Variants in POC5 observed in about 807,000 individuals in gnomAD.
POC5 encodes the protein POC5 centriolar protein.
In POC5, 48 loss-of-function variants were observed where a neutral mutation model predicts 62.9. That is an observed-to-expected ratio of 0.76 (90% CI 0.61 to 0.97). The LOEUF is 0.97. Among genes scored for constraint, POC5 ranks in the 50% least tolerant of loss-of-function variants. The pLI is 0.00. For synonymous variants in POC5, 236 were observed against 228.2 expected (o/e 1.03, Z -0.31); for missense variants, 696 against 679.5 (o/e 1.02, Z -0.27).
rs138440768 is a variant in POC5 at position 75,692,484 on chromosome 5, G to A, written c.707C>T (p.Ser236Phe). 13 of 1,598,650 alleles carry A rather than the reference G, an allele frequency of 8.1e-6. No individual in the cohort carries two copies. Among genetic ancestry groups the A allele is most frequent in the African/African-American group, 1.3e-5 (1 of 74,172 alleles). Reference sequence around the variant, plus strand: ...TTCCTTTTGCTTGCCTATGGCATGAGACAAGCTAGAAATCACCTGTAAACA... The same window carrying A: ...TTCCTTTTGCTTGCCTATGGCATGAAACAAGCTAGAAATCACCTGTAAACA... ...GRKDEVISSL[S>F]HAIGKQKEKI... The change falls in exon 7 of 12, where the codon TCT (serine) becomes TTT (phenylalanine). Residue 236 changes from serine to phenylalanine, a missense_variant. Ser to Phe is a radical substitution (Grantham distance 155, BLOSUM62 -2). Coordinates refer to ENST00000428202, the MANE Select transcript of POC5 (RefSeq NM_001099271.2).
intron 11 of POC5, among the ~76,000 whole-genome samples, chr5:75,676,995 T>C (rs1775692155): frequency 6.6e-6 from 1 of 152,196 alleles, no homozygotes; most frequent in Non-Finnish European, 1.5e-5. Context: ...CTAGTAACTT[T>C]CAGTAAGTTA....
intron 3 of POC5, among the ~76,000 whole-genome samples, chr5:75,706,937 C>T (rs1777146122): frequency 6.6e-6 from 1 of 152,182 alleles, no homozygotes; most frequent in African/African-American, 2.4e-5. Flanking sequence ...TCCACGTCTA[C>T]AGAGAATGAG....
At chr5:75,682,610 G>A (rs1465239702) in intron 10 of POC5, among the ~76,000 whole-genome samples, 3 of 149,088 alleles carry the variant, frequency 2.0e-5, no homozygotes, top group Admixed American at 1.4e-4. Flanking sequence ...CTGCCTCCCG[G>A]GTTCAAGTGA....
At chr5:75,702,295 G>A (rs911248142) in intron 5 of POC5, among the ~76,000 whole-genome samples, 1 of 152,020 alleles carries the variant, frequency 6.6e-6, no homozygotes, top group Non-Finnish European at 1.5e-5. Context: ...AAACCTGCAT[G>A]TTCACCACAT....
intron 10 of POC5, among the ~76,000 whole-genome samples, chr5:75,684,682 A>C (rs923368319): frequency 1.3e-5 from 2 of 152,050 alleles, no homozygotes; most frequent in Non-Finnish European, 2.9e-5. Flanking sequence ...TTTTTGAAAA[A>C]TATAAAAAAG....
At chr5:75,678,609 C>CT (rs67570751) in intron 10 of POC5, among the ~76,000 whole-genome samples, 85,496 of 151,702 alleles carry the variant, frequency 0.56, 24,918 homozygotes, top group Middle Eastern at 0.68. Context: ...TATTAATATA[C>CT]TTTTTTTTAC....
intron 11 of POC5, among the ~76,000 whole-genome samples, chr5:75,676,836 AATAAATAAAAAAT>A (rs1441119964): frequency 7.1e-6 from 1 of 140,324 alleles, no homozygotes; most frequent in East Asian, 2.1e-4. Context: ...CAAAAAAAAA[AATAAATAAAAAAT>A]AAATAAATAA....
intron 6 of POC5, among the ~76,000 whole-genome samples, 179 bp downstream of exon 6, chr5:75,694,476 G>A (rs1198716674): frequency 6.6e-6 from 1 of 152,064 alleles, no homozygotes; most frequent in Non-Finnish European, 1.5e-5. Context: ...AATGGTGAGG[G>A]TAAAATGACA....
intron 10 of POC5, among the ~76,000 whole-genome samples, chr5:75,678,181 T>C (rs1460282730): frequency 1.3e-5 from 2 of 151,870 alleles, no homozygotes; most frequent in Non-Finnish European, 2.9e-5. Flanking sequence ...TTTAGAAACT[T>C]AAAAAACCAA....
Position 75,690,512 on chromosome 5 carries a change from C to A in POC5, c.846G>T (p.Lys282Asn), listed in dbSNP as rs1355646936. Residue 282 changes from lysine (K) to asparagine (N), a missense_variant, in exon 8 of 12, where the codon AAG (lysine) becomes AAT (asparagine). Coordinates refer to ENST00000428202, the MANE Select transcript of POC5 (RefSeq NM_001099271.2). ...CGGAACGCCAGACTTTCCAGACTTT[C>A]TTCAGTAAAGTTCTCTGGTAGTACT... is the stretch of plus-strand genomic sequence containing the variant. ...ADQYYQRTLL[K>N]KVWKVWRSVV... The A allele has an allele frequency of 6.2e-7, 1 of 1,603,476 alleles. No individual in the cohort carries two copies. Among genetic ancestry groups the A allele is most frequent in the East Asian group, 2.2e-5 (1 of 44,734 alleles).
intron 5 of POC5, among the ~76,000 whole-genome samples, chr5:75,699,336 C>T (rs1287870773): frequency 4.0e-5 from 6 of 151,820 alleles, no homozygotes; most frequent in Admixed American, 6.6e-5. Flanking sequence ...ACTGGCAAAC[C>T]GAATCCAGCA....
rs201293205 is a variant in POC5, at chr5:75,676,826, CA to C, written c.1584+947del. On this transcript the variant is annotated intron_variant, in intron 11 of 11. Transcript: ENST00000428202. Reference sequence around the variant, plus strand: ...GGGAGACAAGAGAGAAACTCTGTCTCAAAAAAAAAAATAAATAAAAAATAAA... The same window carrying C: ...GGGAGACAAGAGAGAAACTCTGTCTCAAAAAAAAAATAAATAAAAAATAAA... Among the ~76,000 whole-genome samples, 392 of 114,006 alleles carry C rather than the reference CA, an allele frequency of 3.4e-3. 1 individual carries two copies. The highest frequency in any genetic ancestry group is 0.024 in the East Asian group (86 of 3,656). 74.8% of individuals were successfully genotyped at this position (114,006 alleles called of 152,430 possible).
At chr5:75,681,532 C>G (rs1482463628) in intron 10 of POC5, among the ~76,000 whole-genome samples, 1 of 151,536 alleles carries the variant, frequency 6.6e-6, no homozygotes, top group East Asian at 1.9e-4. Flanking sequence ...CCATGAAATT[C>G]TGATATTGTC....
chr5:75,716,373 G>A (rs1248364076), intron 1 of POC5, among the ~76,000 whole-genome samples: 1 of 64,744 alleles, frequency 1.5e-5, no homozygotes, highest in Non-Finnish European at 3.1e-5. Flanking sequence ...GACCAGGCAG[G>A]TAACAGGGGT....
chr5:75,681,700 GT>G (rs1775873091), intron 10 of POC5, among the ~76,000 whole-genome samples: 1 of 150,860 alleles, frequency 6.6e-6, no homozygotes, highest in Non-Finnish European at 1.5e-5. Flanking sequence ...CCAGTTATTT[GT>G]TTGCTAATTC....
chr5:75,692,632 T>C (rs1193912203), intron 6 of POC5, 132 bp from the exon 7 acceptor site: 22 of 442,234 alleles, frequency 5.0e-5, no homozygotes, highest in Non-Finnish European at 7.4e-5. Flanking sequence ...GTTAACCTCA[T>C]TATTATCTTT....
chr5:75,684,866 C>G (rs1204479754), intron 10 of POC5, among the ~76,000 whole-genome samples: 1 of 145,394 alleles, frequency 6.9e-6, no homozygotes, highest in African/African-American at 2.5e-5. Context: ...AATTTACAAA[C>G]AAGCTTTTTT....
At chr5:75,698,465 C>G (rs1240793877) in intron 5 of POC5, among the ~76,000 whole-genome samples, 1 of 152,084 alleles carries the variant, frequency 6.6e-6, no homozygotes, top group Non-Finnish European at 1.5e-5. Context: ...TCCTGAATGA[C>G]TACTGGGTAC....
intron 5 of POC5, among the ~76,000 whole-genome samples, chr5:75,697,024 G>C (rs946772251): frequency 6.6e-6 from 1 of 152,100 alleles, no homozygotes; most frequent in African/African-American, 2.4e-5. Context: ...AAAAAGAAAC[G>C]AGCAAAGCCT....
Sources: allele counts gnomAD v4.1 joint callset (sites outside exome capture counted in the v4.1 genomes callset), GRCh38; gene constraint gnomAD v4.1.1; transcripts MANE v1.5; gene names NCBI Gene and HGNC (gene_info 2026-07-23, HGNC 2026-07-21).